CLYBL: variants seen among roughly 807,000 people sequenced by gnomAD.
The protein encoded by CLYBL is citramalyl-CoA lyase, mitochondrial.
In CLYBL, 31 loss-of-function variants were observed where a neutral mutation model predicts 38.9. That is an observed-to-expected ratio of 0.80 (90% CI 0.60 to 1.08). The LOEUF is 1.08. Among genes scored for constraint, CLYBL ranks in the 50% least tolerant of loss-of-function variants. The pLI is 0.00. For synonymous variants in CLYBL, 171 were observed against 158.6 expected, an observed-to-expected ratio of 1.08 and a Z score of -0.59; for missense variants, 434 against 411.6, an observed-to-expected ratio of 1.05 and a Z score of -0.47.
chr13:99,840,774 AAAAAAAGG>A (rs1566349120), intron 2 of CLYBL, among the ~76,000 whole-genome samples: 3 of 146,688 alleles, frequency 2.0e-5, no homozygotes, highest in African/African-American at 7.9e-5. Flanking sequence ...AAAAAAAAAA[AAAAAAAGG>A]GTTACATATG....
chr13:99,832,166 C>T (rs1610001), intron 2 of CLYBL, among the ~76,000 whole-genome samples: 7,287 of 152,240 alleles, frequency 0.048, 394 homozygotes, highest in African/African-American at 0.12. Context: ...ATTTGCTTTT[C>T]ACAATCCAGT....
chr13:99,679,520 T>G (rs1167866279), intron 1 of CLYBL, among the ~76,000 whole-genome samples: 2 of 151,856 alleles, frequency 1.3e-5, no homozygotes, highest in African/African-American at 4.8e-5. Context: ...TTCCCAGTGT[T>G]ACTCAGATCT....
chr13:99,675,323 A>G (rs74112529), intron 1 of CLYBL, among the ~76,000 whole-genome samples: 1 of 151,858 alleles, frequency 6.6e-6, no homozygotes, highest in Non-Finnish European at 1.5e-5. Context: ...CTATATGTGT[A>G]TATACTTTAT....
At chr13:99,715,445 C>G (rs540902207) in intron 1 of CLYBL, among the ~76,000 whole-genome samples, 2 of 147,644 alleles carry the variant, frequency 1.4e-5, no homozygotes, top group African/African-American at 2.5e-5. Context: ...CAGTCTCACT[C>G]GGACTGGAGT....
intron 4 of CLYBL, among the ~76,000 whole-genome samples, chr13:99,863,916 G>A (rs149327300): frequency 1.3e-3 from 195 of 152,228 alleles, no homozygotes; most frequent in African/African-American, 4.4e-3. Context: ...ATGTGTGAGC[G>A]GCAACTTTGA....
At chr13:99,885,131 C>T (rs762396693) in intron 7 of CLYBL, 2 of 524,014 alleles carry the variant, frequency 3.8e-6, no homozygotes, top group East Asian at 5.5e-5. Flanking sequence ...CGCCTCCCCA[C>T]AGGGGCCTCA....
At chr13:99,854,771 C>T (rs902478857) in intron 2 of CLYBL, among the ~76,000 whole-genome samples, 5 of 152,038 alleles carry the variant, frequency 3.3e-5, no homozygotes, top group Non-Finnish European at 7.4e-5. Flanking sequence ...TTGATTTCTC[C>T]GCTTTCTTAC....
At position 99,694,715 on chromosome 13, in the gene CLYBL, G is replaced by A. The variant is rs186237637; in HGVS notation, c.63-78109G>A. 3.3e-5 allele frequency among the ~76,000 whole-genome samples: 5 copies of A among 152,330 alleles called. No individual in the cohort carries two copies. The East Asian group carries it at 9.6e-4, about 29-fold the overall frequency. On this transcript the variant is annotated intron_variant, in intron 1 of 8. Coordinates refer to ENST00000339105, the MANE Select transcript of CLYBL (RefSeq NM_206808.5). The stretch of plus-strand genomic sequence containing the variant: ...GATCTGTGTGTCCTGGCTCCATGCT[G>A]TGAGGGGCTCCCTGTAATTAAACAC...
At chr13:99,842,914 T>G (rs577778565) in intron 2 of CLYBL, among the ~76,000 whole-genome samples, 2 of 151,872 alleles carry the variant, frequency 1.3e-5, no homozygotes, top group South Asian at 4.2e-4. Context: ...CAAAACCCTA[T>G]CCCTTTGCGG....
At chr13:99,901,568 G>C (rs1037295380), downstream of CLYBL, among the ~76,000 whole-genome samples, 3 of 151,934 alleles carry the variant, frequency 2.0e-5, no homozygotes, top group Admixed American at 6.6e-5. Context: ...TGTCAGTGAG[G>C]CTGCTTAATT....
chr13:99,676,245 C>T (rs911769733), intron 1 of CLYBL, among the ~76,000 whole-genome samples: 6 of 147,242 alleles, frequency 4.1e-5, no homozygotes, highest in Middle Eastern at 7.1e-3. Context: ...TCCTTTCCTC[C>T]CTTTCTTTTT....
downstream of CLYBL, chr13:99,894,334 C>T (rs879712273): frequency 1.3e-5 from 2 of 152,252 alleles, no homozygotes; most frequent in Non-Finnish European, 2.9e-5. Context: ...CTGAGCCAGG[C>T]GTGGGTGACA....
chr13:99,876,691 G>A (rs1157543939), intron 7 of CLYBL, among the ~76,000 whole-genome samples: 1 of 152,174 alleles, frequency 6.6e-6, no homozygotes, highest in Non-Finnish European at 1.5e-5. Flanking sequence ...GGCTTCAGAA[G>A]CTGCCCAGTA....
intron 1 of CLYBL, among the ~76,000 whole-genome samples, chr13:99,735,526 G>A (rs796543557): frequency 4.6e-5 from 7 of 151,932 alleles, no homozygotes; most frequent in African/African-American, 1.7e-4. Context: ...AAGTTTCTCT[G>A]GTTAATGTGA....
Position 99,865,167 on chromosome 13 carries a change from C to T in CLYBL, c.634+256C>T, listed in dbSNP as rs2051711480. The T allele has an allele frequency of 2.2e-6, 1 of 452,344 alleles. No individual in the cohort carries two copies. The highest frequency in any genetic ancestry group is 2.9e-5 in the Admixed American group (1 of 34,694). 28.0% of individuals were successfully genotyped at this position (452,344 alleles called of 1,614,324 possible). On this transcript the variant is annotated intron_variant, in intron 5 of 8. Coordinates refer to ENST00000339105, the MANE Select transcript of CLYBL (RefSeq NM_206808.5). The surrounding 1 kb of genome is among the most constrained non-coding windows in gnomAD (Gnocchi z 4.7). ...GACACGAGCAATAGAAAGCCTGTTG[C>T]AGCCCCAGGCATGCTCAGGAATATA...
At chr13:99,755,650 C>T (rs1346866768) in intron 1 of CLYBL, among the ~76,000 whole-genome samples, 1 of 152,244 alleles carries the variant, frequency 6.6e-6, no homozygotes, top group Non-Finnish European at 1.5e-5. Context: ...TTGCCCTTCT[C>T]TGCCTGAGCA....
At chr13:99,882,956 G>T (rs998099230) in intron 7 of CLYBL, among the ~76,000 whole-genome samples, 1 of 151,954 alleles carries the variant, frequency 6.6e-6, no homozygotes, top group African/African-American at 2.4e-5. Flanking sequence ...CGGAAGTAGG[G>T]CTGGGCCGGG....
chr13:99,673,275 TGGTG>T (rs2047594092), intron 1 of CLYBL, among the ~76,000 whole-genome samples: 1 of 152,054 alleles, frequency 6.6e-6, no homozygotes, highest in Non-Finnish European at 1.5e-5. Flanking sequence ...TAGCCGGGCA[TGGTG>T]GCGCACACCT....
intron 1 of CLYBL, among the ~76,000 whole-genome samples, chr13:99,625,502 G>A (rs2046856978): frequency 6.6e-6 from 1 of 152,026 alleles, no homozygotes; most frequent in African/African-American, 2.4e-5. Context: ...ATAATTTGAG[G>A]GATTATTGTT....
Sources: gnomAD v4.1 joint callset for allele counts (sites outside exome capture counted in the v4.1 genomes callset) on GRCh38, gnomAD v4.1.1 for gene constraint, Gnocchi (gnomAD v3.1) non-coding constraint, MANE v1.5 for transcripts, NCBI Gene and HGNC (gene_info 2026-07-23, HGNC 2026-07-21) for gene names.